The following KCNIP4 variants were observed in gnomAD, a reference collection of about 807,000 sequenced individuals.
KCNIP4 encodes the protein potassium voltage-gated channel interacting protein 4.
A neutral mutation model predicts 34.0 loss-of-function variants in KCNIP4; 12 were observed. That is an observed-to-expected ratio of 0.35 (90% CI 0.23 to 0.57). The LOEUF (loss-of-function observed/expected upper bound fraction) is 0.57. KCNIP4 is among the 20% of genes least tolerant of loss of function. KCNIP4 has a pLI of 0.83. For synonymous variants in KCNIP4, 124 were observed against 102.2 expected, an observed-to-expected ratio of 1.21 and a Z score of -1.29; for missense variants, 238 against 311.7, an observed-to-expected ratio of 0.76 and a Z score of 1.78.
chr4:20,931,460 A>T (rs1730463646), intron 1 of KCNIP4, among the ~76,000 whole-genome samples: 1 of 152,126 alleles, frequency 6.6e-6, no homozygotes, highest in African/African-American at 2.4e-5. Flanking sequence ...ATACTACTAC[A>T]CAACTAGTCT....
chr4:21,841,836 T>A (rs1439457690), intron 1 of KCNIP4, among the ~76,000 whole-genome samples: 1 of 152,138 alleles, frequency 6.6e-6, no homozygotes, highest in African/African-American at 2.4e-5. Flanking sequence ...TTTAAAACAA[T>A]CATTTCTTAA....
intron 3 of KCNIP4, among the ~76,000 whole-genome samples, chr4:20,761,054 A>G (rs2149362088): frequency 6.6e-6 from 1 of 152,284 alleles, no homozygotes; most frequent in East Asian, 1.9e-4. Flanking sequence ...ATTGCCCTCC[A>G]CAATGTGAGG....
intron 1 of KCNIP4, among the ~76,000 whole-genome samples, chr4:21,900,932 CA>C (rs1438565084): frequency 6.6e-6 from 1 of 152,206 alleles, no homozygotes; most frequent in Non-Finnish European, 1.5e-5. Context: ...GTTCAACATG[CA>C]GGCTACTTCT....
chr4:21,511,036 C>G (rs1223618113), intron 1 of KCNIP4, among the ~76,000 whole-genome samples: 1 of 151,608 alleles, frequency 6.6e-6, no homozygotes, highest in East Asian at 1.9e-4. Context: ...AGAGAAAGAC[C>G]CTATCTCAAA....
At chr4:21,469,002 ACT>A (rs1162942086) in intron 1 of KCNIP4, among the ~76,000 whole-genome samples, 1 of 151,982 alleles carries the variant, frequency 6.6e-6, no homozygotes. Flanking sequence ...AGAAGAAAAC[ACT>A]CTGAAATAAA....
intron 1 of KCNIP4, chr4:21,582,438 T>C (rs1462527028): frequency 1.3e-5 from 2 of 151,800 alleles, no homozygotes; most frequent in African/African-American, 2.4e-5. Context: ...GAGTTGGTAA[T>C]TTTTTTAACC....
intron 1 of KCNIP4, among the ~76,000 whole-genome samples, chr4:21,323,617 AG>A (rs1444183125): frequency 6.6e-6 from 1 of 152,110 alleles, no homozygotes; most frequent in East Asian, 1.9e-4. Context: ...ATGGCTGAGT[AG>A]TACTCCATTG....
At chr4:21,131,414 C>A (rs547797606) in intron 1 of KCNIP4, among the ~76,000 whole-genome samples, 8 of 152,236 alleles carry the variant, frequency 5.3e-5, no homozygotes, top group African/African-American at 1.9e-4. Flanking sequence ...TCGAGACCAT[C>A]CTGGCTAACA....
chr4:21,838,854 TG>T (rs1264023339), intron 1 of KCNIP4, among the ~76,000 whole-genome samples: 1 of 152,200 alleles, frequency 6.6e-6, no homozygotes, highest in Non-Finnish European at 1.5e-5. Flanking sequence ...ATCAAAGAAA[TG>T]AACTAAATTT....
At chr4:21,003,457 A>G (rs1738305856) in intron 1 of KCNIP4, among the ~76,000 whole-genome samples, 1 of 152,246 alleles carries the variant, frequency 6.6e-6, no homozygotes, top group African/African-American at 2.4e-5. Context: ...AAGAGTGATC[A>G]ATAAACAACA....
At chr4:21,039,767 G>C (rs1028318399) in intron 1 of KCNIP4, among the ~76,000 whole-genome samples, 1 of 152,070 alleles carries the variant, frequency 6.6e-6, no homozygotes, top group African/African-American at 2.4e-5. Flanking sequence ...CTAATGTCTA[G>C]CTAATTTTAG....
intron 1 of KCNIP4, among the ~76,000 whole-genome samples, chr4:21,370,999 C>A (rs960505519): frequency 1.4e-5 from 2 of 138,658 alleles, no homozygotes; most frequent in Admixed American, 1.4e-4. Flanking sequence ...AGGGATCTAG[C>A]TCACAAATAT....
chr4:21,004,414 G>GAA (rs1238588844), intron 1 of KCNIP4, among the ~76,000 whole-genome samples: 2 of 152,178 alleles, frequency 1.3e-5, no homozygotes, highest in African/African-American at 4.8e-5. Flanking sequence ...GGGCCAAGTG[G>GAA]AAATAGTAAA....
intron 1 of KCNIP4, among the ~76,000 whole-genome samples, chr4:21,195,142 T>A (rs550783315): frequency 4.0e-4 from 61 of 152,288 alleles, no homozygotes; most frequent in Middle Eastern, 3.4e-3. Context: ...TTGCCGCAAA[T>A]GTTCTCTCCC....
chr4:20,860,589 T>A (rs1230700634), intron 2 of KCNIP4, among the ~76,000 whole-genome samples: 1 of 152,234 alleles, frequency 6.6e-6, no homozygotes, highest in East Asian at 1.9e-4. Context: ...TATATTGCTT[T>A]ATCTCATTGA....
chr4:21,047,449 T>C (rs773752674), intron 1 of KCNIP4, among the ~76,000 whole-genome samples: 2 of 152,172 alleles, frequency 1.3e-5, no homozygotes, highest in African/African-American at 4.8e-5. Flanking sequence ...TGTACACATA[T>C]AATTGACACA....
intron 3 of KCNIP4, among the ~76,000 whole-genome samples, chr4:20,769,465 TC>T (rs1231592364): frequency 3.3e-5 from 5 of 152,094 alleles, no homozygotes; most frequent in Admixed American, 2.0e-4. Flanking sequence ...TTTGTCAGGG[TC>T]TTTTAAAAAT....
intron 1 of KCNIP4, among the ~76,000 whole-genome samples, chr4:21,095,609 A>G (rs1006030436): frequency 6.8e-6 from 1 of 147,846 alleles, no homozygotes; most frequent in Non-Finnish European, 1.5e-5. Context: ...TACTATGCAG[A>G]GTGCAAATGC....
chr4:21,312,997 T>G (rs1442104805), intron 1 of KCNIP4, among the ~76,000 whole-genome samples: 1 of 152,176 alleles, frequency 6.6e-6, no homozygotes, highest in African/African-American at 2.4e-5. Context: ...AAGTAGATAT[T>G]TCAGTTTGAG....
Sources: allele counts gnomAD v4.1 joint callset (sites outside exome capture counted in the v4.1 genomes callset), GRCh38; gene constraint gnomAD v4.1.1; transcripts MANE v1.5; gene names NCBI Gene and HGNC (gene_info 2026-07-23, HGNC 2026-07-21).